Variants in CDH23 observed in about 807,000 individuals in gnomAD.
CDH23 encodes cadherin related 23, also known as cadherin-23.
A neutral mutation model predicts 317.1 loss-of-function variants in CDH23; 189 were observed. The ratio of observed to expected loss-of-function variants is 0.60; its 90% CI spans 0.53 to 0.67. CDH23 has a LOEUF of 0.67. Ranked by LOEUF, CDH23 falls within the 30% of genes least tolerant of loss-of-function variation. CDH23 has a pLI of 0.00. For synonymous variants in CDH23, 1,839 were observed against 1,876.8 expected (o/e 0.98, Z 0.52); for missense variants, 4,401 against 4,592.4 (o/e 0.96, Z 1.20).
At position 71,789,052 on chromosome 10, in the gene CDH23, G is replaced by A. The variant is rs1484918891; in HGVS notation, c.5923+10G>A. 1.3e-5 allele frequency: 17 copies of A among 1,349,328 alleles called. No homozygotes were observed. The highest frequency in any genetic ancestry group is 1.8e-5 in the Non-Finnish European group (17 of 939,228). 83.6% of individuals were successfully genotyped at this position (1,349,328 alleles called of 1,614,324 possible). A position where few individuals can be genotyped will look rare whatever the true frequency, so the allele number is the denominator to read the frequency against. ...GAAAACTCTCCCGCTGGTAGGTGCT[G>A]GGCCCACCCGGGAGCTCCTGCTGTT... On this transcript the variant is annotated intron_variant, in intron 45 of 69. Transcript: ENST00000224721.
chr10:71,577,184 G>A (rs1858270041), intron 8 of CDH23, among the ~76,000 whole-genome samples: 1 of 152,098 alleles, frequency 6.6e-6, no homozygotes, highest in African/African-American at 2.4e-5. Context: ...AGATGTTCTT[G>A]ACTTCATGCC....
intron 1 of CDH23, among the ~76,000 whole-genome samples, chr10:71,425,345 C>T (rs900619634): frequency 1.5e-5 from 1 of 66,678 alleles, no homozygotes; most frequent in Non-Finnish European, 3.1e-5. Flanking sequence ...AGAATAGTCA[C>T]AGTGGGGCAG....
chr10:71,622,880 A>T, intron 11 of CDH23: 1 of 983,010 alleles, frequency 1.0e-6, no homozygotes, highest in Non-Finnish European at 1.2e-6. Context: ...CAGCTGCCAG[A>T]TTCTGGCTGC....
chr10:71,674,644 T>G (rs975418899), intron 14 of CDH23, among the ~76,000 whole-genome samples: 7 of 152,216 alleles, frequency 4.6e-5, no homozygotes, highest in Non-Finnish European at 8.8e-5. Context: ...TAGCACCACC[T>G]CCAATTTACA....
chr10:71,409,156 C>T (rs928039845), intron 1 of CDH23, among the ~76,000 whole-genome samples: 1 of 152,166 alleles, frequency 6.6e-6, no homozygotes, highest in African/African-American at 2.4e-5. Context: ...CTTTTTGTCT[C>T]CTGAGGCTTT....
At chr10:71,580,387 C>A (rs556062957) in intron 9 of CDH23, among the ~76,000 whole-genome samples, 1 of 152,220 alleles carries the variant, frequency 6.6e-6, no homozygotes, top group African/African-American at 2.4e-5. Flanking sequence ...TGTGTGGAGG[C>A]GAGGGCAGGA....
At chr10:71,463,215 A>G (rs1489570328) in intron 3 of CDH23, among the ~76,000 whole-genome samples, 2 of 152,194 alleles carry the variant, frequency 1.3e-5, no homozygotes, top group Admixed American at 6.5e-5. Context: ...GATCGGGACC[A>G]TATTGAGAAA....
At chr10:71,744,890 A>G (rs1839818620) in intron 38 of CDH23, among the ~76,000 whole-genome samples, 1 of 152,264 alleles carries the variant, frequency 6.6e-6, no homozygotes, top group African/African-American at 2.4e-5. Context: ...AAAGATGTAT[A>G]GGAAAACAAT....
chr10:71,779,440 C>A lies in CDH23; in HGVS notation c.5361C>A (p.Asp1787Glu), dbSNP rs775893428. ...TGGAGTACAGCATCATGGATGGAGA[C>A]CCTCTGGGTGAGTGGGGCTTGGGGC... The part of the protein sequence containing the change: ...GQVEYSIMDG[D>E]PLGEFVISPV... The change falls in exon 41 of 70, where the codon GAC (aspartate) becomes GAA (glutamate). Residue 1787 changes from aspartate (D) to glutamate (E), a missense_variant. This residue lies in a region of CDH23 where 3,068 missense variants were observed against 3,203.3 expected (regional missense o/e 0.96). Transcript: ENST00000224721. 2 of 1,602,102 alleles carry A rather than the reference C, an allele frequency of 1.2e-6. No individual in the cohort carries two copies. The highest frequency in any genetic ancestry group is 2.2e-5 in the East Asian group (1 of 44,554).
intron 1 of CDH23, among the ~76,000 whole-genome samples, chr10:71,409,019 C>T (rs1294078949): frequency 6.6e-6 from 1 of 152,196 alleles, no homozygotes; most frequent in Non-Finnish European, 1.5e-5. Flanking sequence ...GCACCCTGCC[C>T]CTTGGCCTGA....
intron 30 of CDH23, 127 bp downstream of exon 30, chr10:71,725,647 T>C: frequency 8.7e-7 from 1 of 1,151,128 alleles, no homozygotes; most frequent in South Asian, 1.6e-5. Flanking sequence ...CTGAATGACA[T>C]CTGGGCCTAA....
At position 71,702,069 on chromosome 10, in the gene CDH23, C is replaced by T. The variant is rs1182111358; in HGVS notation, c.2445C>T (p.Tyr815=). 11 of 1,613,906 alleles carry T rather than the reference C, an allele frequency of 6.8e-6. No homozygotes were observed. In the Admixed American group the frequency reaches 1.5e-4, roughly 22 times the overall value. ...PDLGENGTLV[Y]SIQPPNKFYS... is the part of the protein sequence containing the mutation. ...TGGGGGAGAATGGCACCCTGGTGTA[C>T]AGCATCCAGCCACCCAACAAGTTCT... is the stretch of plus-strand genomic sequence containing the variant. The change falls in exon 23 of 70, where the codon TAC becomes TAT. Residue 815 remains tyrosine (Y), a synonymous_variant. Transcript: ENST00000224721.
At chr10:71,647,004 C>T (rs564560006) in intron 14 of CDH23, 15 of 985,178 alleles carry the variant, frequency 1.5e-5, no homozygotes, top group Admixed American at 6.2e-5. Context: ...GAGGGGCAGG[C>T]GCCTGGAGGG....
chr10:71,692,235 C>T (rs1415363877), intron 20 of CDH23, among the ~76,000 whole-genome samples: 9 of 152,206 alleles, frequency 5.9e-5, no homozygotes, highest in African/African-American at 9.7e-5. Flanking sequence ...AGAATCCAAA[C>T]ATTAAAGGCG....
intron 1 of CDH23, among the ~76,000 whole-genome samples, chr10:71,402,734 T>C (rs547426494): frequency 3.2e-4 from 39 of 122,952 alleles, no homozygotes; most frequent in African/African-American, 1.2e-3. Context: ...TGTGTGTGTG[T>C]GTGTGTGTGT....
intron 2 of CDH23, among the ~76,000 whole-genome samples, chr10:71,443,197 A>G (rs10999811): frequency 0.34 from 51,947 of 152,076 alleles, 9,105 homozygotes; most frequent in Middle Eastern, 0.47. Flanking sequence ...TTGGACTCAG[A>G]CTGGCCTGGC....
intron 38 of CDH23, among the ~76,000 whole-genome samples, chr10:71,754,299 C>T (rs956830124): frequency 2.0e-5 from 3 of 150,700 alleles, no homozygotes; most frequent in Non-Finnish European, 4.4e-5. Context: ...GGCCACAGCC[C>T]CCGAGTGACC....
Position 71,785,070 on chromosome 10 carries a change from C to A in CDH23, c.5682C>A (p.Asn1894Lys), listed in dbSNP as rs764177252. 4 of 1,614,082 alleles carry A rather than the reference C, an allele frequency of 2.5e-6. No homozygotes were observed. Among genetic ancestry groups the A allele is most frequent in the Non-Finnish European group, 3.4e-6 (4 of 1,179,894 alleles). Residue 1894 changes from asparagine (N) to lysine (K), a missense_variant, in exon 43 of 70, where the codon AAC (asparagine) becomes AAA (lysine). Physicochemically the swap from Asn to Lys is moderately conservative, Grantham distance 94. This residue lies in a region of CDH23 where 3,068 missense variants were observed against 3,203.3 expected (regional missense o/e 0.96). Transcript: ENST00000224721. ...ARLTFNITAGNRERAFFINAT... is the reference protein window; with the variant it reads ...ARLTFNITAGKRERAFFINAT... The stretch of plus-strand genomic sequence containing the variant: ...TCACCTTCAACATCACTGCGGGCAA[C>A]CGCGAGCGGGCCTTCTTCATCAATG...
intron 1 of CDH23, among the ~76,000 whole-genome samples, chr10:71,429,673 CAAA>C (rs1849277952): frequency 1.3e-5 from 2 of 152,088 alleles, no homozygotes; most frequent in South Asian, 4.1e-4. Context: ...CTGAATTAAT[CAAA>C]AGAAGGTATC....
Sources: gnomAD v4.1 joint callset for allele counts (sites outside exome capture counted in the v4.1 genomes callset) on GRCh38, gnomAD v4.1.1 for gene constraint, gnomAD v4.1.1 regional missense constraint, MANE v1.5 for transcripts, NCBI Gene and HGNC (gene_info 2026-07-23, HGNC 2026-07-21) for gene names.